Variants in TENM4 observed in about 807,000 individuals in gnomAD.
TENM4 encodes teneurin transmembrane protein 4.
Under a neutral mutation model 243.3 loss-of-function variants are expected in TENM4, and 82 were observed. That is an observed-to-expected ratio of 0.34 (90% CI 0.28 to 0.40). The LOEUF is 0.40. TENM4 is among the 10% of genes least tolerant of loss of function. TENM4 has a pLI of 1.00. For missense variants in TENM4, 3,138 were observed against 3,673.3 expected (o/e 0.85, Z 3.77); for synonymous variants, 1,412 against 1,456.3 (o/e 0.97, Z 0.69).
intron 1 of TENM4, among the ~76,000 whole-genome samples, chr11:79,419,797 C>T (rs1396635005): frequency 1.3e-5 from 2 of 152,190 alleles, no homozygotes; most frequent in Non-Finnish European, 2.9e-5. Context: ...GTCCCATGAA[C>T]TGGCTTCGTG....
rs553633328 is a variant in TENM4 at position 78,833,486 on chromosome 11, A to G, written c.1682-19091T>C. Among the ~76,000 whole-genome samples the G allele has an allele frequency of 7.9e-5, 12 of 152,348 alleles. No homozygotes were observed. In the South Asian group the frequency reaches 1.4e-3, roughly 18 times the overall value. On this transcript the variant is annotated intron_variant, in intron 12 of 33. Transcript: ENST00000278550. ...GACAGAACTATAAAATCCCTCTGAC[A>G]TAGACTTTCCCGCATGGTCAAACAC...
intron 4 of TENM4, among the ~76,000 whole-genome samples, chr11:79,079,645 T>C (rs1160917529): frequency 6.6e-6 from 1 of 151,966 alleles, no homozygotes; most frequent in African/African-American, 2.4e-5. Flanking sequence ...GCCTGGCCAA[T>C]GTGGTGAAAC....
intron 19 of TENM4, among the ~76,000 whole-genome samples, chr11:78,755,520 G>A (rs949502444): frequency 4.6e-5 from 7 of 152,034 alleles, no homozygotes; most frequent in Admixed American, 2.6e-4. Context: ...GTTCATTGAT[G>A]GCTCCCAAAT....
intron 4 of TENM4, among the ~76,000 whole-genome samples, chr11:79,146,457 A>C (rs1862396910): frequency 6.6e-6 from 1 of 152,122 alleles, no homozygotes; most frequent in Non-Finnish European, 1.5e-5. Context: ...ACTCAGAAGG[A>C]TGGCCAAGGT....
intron 1 of TENM4, among the ~76,000 whole-genome samples, chr11:79,376,044 G>C (rs991276870): frequency 1.3e-5 from 2 of 152,192 alleles, no homozygotes; most frequent in South Asian, 4.1e-4. Context: ...TGGGGGACTG[G>C]ATTCCTTAGA....
intron 5 of TENM4, among the ~76,000 whole-genome samples, chr11:79,066,646 A>G (rs368779742): frequency 1.3e-5 from 2 of 151,656 alleles, no homozygotes; most frequent in East Asian, 1.9e-4. Flanking sequence ...ACACAAGTGC[A>G]CACACACGTG....
intron 9 of TENM4, among the ~76,000 whole-genome samples, chr11:78,867,667 C>T (rs775573777): frequency 2.0e-5 from 3 of 152,128 alleles, no homozygotes; most frequent in African/African-American, 4.8e-5. Flanking sequence ...TTTGAATGCA[C>T]ACTACATGCC....
chr11:78,726,173 T>C lies in TENM4; in HGVS notation c.3456A>G (p.Glu1152=). ...YESCPDLILW[E]KRTTVLQGYE... ...AGCCCTGCAGCACTGTTGTTCTTTT[T>C]TCCCACAGGATTAGATCTGGGCAGG... The change falls in exon 23 of 34, where the codon GAA becomes GAG. Residue 1152 remains glutamate, a synonymous_variant. Coordinates refer to ENST00000278550, the MANE Select transcript of TENM4 (RefSeq NM_001098816.3). 1 of 1,614,028 alleles carries C rather than the reference T, an allele frequency of 6.2e-7. No homozygotes were observed. The highest frequency in any genetic ancestry group is 2.2e-5 in the East Asian group (1 of 44,884).
intron 1 of TENM4, among the ~76,000 whole-genome samples, chr11:79,398,200 C>T (rs566623595): frequency 7.9e-5 from 12 of 151,846 alleles, no homozygotes; most frequent in African/African-American, 2.4e-4. Flanking sequence ...CAACTCCCCA[C>T]CTCATGTGTC....
chr11:79,058,271 C>T (rs137931018), intron 6 of TENM4, among the ~76,000 whole-genome samples: 1,840 of 152,148 alleles, frequency 0.012, 30 homozygotes, highest in African/African-American at 0.042. Flanking sequence ...GGGCCAGGTG[C>T]GGTGGCTCAC....
At chr11:79,231,763 G>T (rs940637878) in intron 2 of TENM4, among the ~76,000 whole-genome samples, 4 of 152,198 alleles carry the variant, frequency 2.6e-5, no homozygotes, top group African/African-American at 9.6e-5. Flanking sequence ...AGTCCTGAGT[G>T]CAACTGAATG....
chr11:78,927,013 A>C (rs1856568272), intron 6 of TENM4, among the ~76,000 whole-genome samples: 1 of 152,252 alleles, frequency 6.6e-6, no homozygotes, highest in African/African-American at 2.4e-5. Context: ...TTTTTGTACA[A>C]ACAATTAAAA....
intron 12 of TENM4, among the ~76,000 whole-genome samples, chr11:78,844,511 G>A (rs993558643): frequency 3.3e-5 from 5 of 152,098 alleles, no homozygotes; most frequent in Non-Finnish European, 5.9e-5. Context: ...TTGTGGTGGC[G>A]TGTGCCTGTA....
Position 79,246,990 on chromosome 11 carries a change from A to G in TENM4, c.-264-31081T>C, listed in dbSNP as rs529241304. Among the ~76,000 whole-genome samples the G allele has an allele frequency of 1.1e-4, 14 of 127,006 alleles. No homozygotes were observed. In the East Asian group the frequency reaches 4.7e-3, roughly 42 times the overall value. The allele number at this position is 127,006 out of a possible 152,430, so 83.3% of individuals were successfully genotyped here. On this transcript the variant is annotated intron_variant, in intron 2 of 33. Transcript: ENST00000278550. ...TGGATGAATATTGTATTTCTCAAAA[A>G]AAAAAAAACACCCCCCCACCCCCAA...
intron 11 of TENM4, 63 bp from the exon 12 acceptor site, chr11:78,854,377 C>T (rs559774167): frequency 4.8e-5 from 67 of 1,392,622 alleles, no homozygotes; most frequent in Admixed American, 1.8e-4. Context: ...GCGTCCTTCC[C>T]GGGGCTTCTC....
intron 2 of TENM4, chr11:79,220,993 G>A (rs767941265): frequency 6.6e-6 from 1 of 152,144 alleles, no homozygotes; most frequent in Non-Finnish European, 1.5e-5. Flanking sequence ...GTTACTCTGC[G>A]AAGAGCTTTG....
At chr11:79,144,970 G>A (rs907163373) in intron 4 of TENM4, among the ~76,000 whole-genome samples, 2 of 151,884 alleles carry the variant, frequency 1.3e-5, no homozygotes, top group African/African-American at 4.8e-5. Flanking sequence ...AATGCTTGAG[G>A]TGATGGATAC....
chr11:79,310,484 C>G (rs1446286676), intron 1 of TENM4, among the ~76,000 whole-genome samples: 3 of 152,200 alleles, frequency 2.0e-5, no homozygotes, highest in Non-Finnish European at 4.4e-5. Flanking sequence ...TATGGCCTCC[C>G]TGAATTCCCT....
chr11:78,751,070 G>A lies in TENM4; in HGVS notation c.2756+5735C>T, dbSNP rs1312258089. Among the ~76,000 whole-genome samples the A allele has an allele frequency of 3.9e-5, 6 of 152,096 alleles. 1 individual carries two copies. The highest frequency in any genetic ancestry group is 8.8e-5 in the Non-Finnish European group (6 of 68,022). ...AATTTTTTGTATTTTTCATAGAGAC[G>A]GGGTTTTGCCACATTGCCCAGGCTG... is the stretch of plus-strand genomic sequence containing the variant. On this transcript the variant is annotated intron_variant, in intron 19 of 33. Transcript: ENST00000278550.
Sources: allele counts gnomAD v4.1 joint callset (sites outside exome capture counted in the v4.1 genomes callset), GRCh38; gene constraint gnomAD v4.1.1; transcripts MANE v1.5; gene names NCBI Gene and HGNC (gene_info 2026-07-23, HGNC 2026-07-21).